The following LHPP variants were observed in gnomAD, a reference collection of about 807,000 sequenced individuals.
The protein encoded by LHPP is phospholysine phosphohistidine inorganic pyrophosphate phosphatase.
LHPP carries 24 observed loss-of-function variants against 30.3 expected under a neutral mutation model. The ratio of observed to expected loss-of-function variants is 0.79; its 90% confidence interval spans 0.57 to 1.11. The LOEUF (loss-of-function observed/expected upper bound fraction) is 1.11. Ranked by LOEUF, LHPP falls within the 50% of genes most tolerant of loss-of-function variation. The pLI is 0.00. For missense variants in LHPP, 356 were observed against 367.2 expected, an observed-to-expected ratio of 0.97 and a Z score of 0.25; for synonymous variants, 150 against 157.1, an observed-to-expected ratio of 0.95 and a Z score of 0.34.
At chr10:124,467,163 T>G (rs1217936278) in intron 1 of LHPP, among the ~76,000 whole-genome samples, 2 of 151,428 alleles carry the variant, frequency 1.3e-5, no homozygotes, top group Non-Finnish European at 2.9e-5. Context: ...TTCAAGGAGA[T>G]CTCTCTGGCT....
chr10:124,563,344 C>A (rs1948434089), intron 6 of LHPP, among the ~76,000 whole-genome samples: 1 of 139,460 alleles, frequency 7.2e-6, no homozygotes, highest in Admixed American at 7.4e-5. Flanking sequence ...AAATCCAGAT[C>A]CTGCAGAAAA....
intron 6 of LHPP, among the ~76,000 whole-genome samples, chr10:124,607,152 C>A (rs571625574): frequency 6.6e-6 from 1 of 152,314 alleles, no homozygotes; most frequent in Non-Finnish European, 1.5e-5. Flanking sequence ...GCTCTGTACC[C>A]ACTGCCGAGG....
intron 6 of LHPP, among the ~76,000 whole-genome samples, chr10:124,533,936 C>T (rs942667878): frequency 6.6e-6 from 1 of 151,802 alleles, no homozygotes; most frequent in African/African-American, 2.4e-5. Context: ...GGGCTCAGGG[C>T]TTTCCCATGA....
chr10:124,588,278 T>C (rs1948830569), intron 6 of LHPP, among the ~76,000 whole-genome samples: 1 of 147,132 alleles, frequency 6.8e-6, no homozygotes. Flanking sequence ...CAGCCACTTA[T>C]GCTTTTACTT....
chr10:124,489,794 T>C, intron 3 of LHPP: 1 of 201,780 alleles, frequency 5.0e-6, no homozygotes, highest in Non-Finnish European at 1.0e-5. Flanking sequence ...CTTATAAGTT[T>C]ATTCAATGCA....
intron 4 of LHPP, among the ~76,000 whole-genome samples, chr10:124,497,726 G>A (rs954570580): frequency 2.0e-5 from 3 of 152,224 alleles, no homozygotes; most frequent in African/African-American, 7.2e-5. Flanking sequence ...AATTGCAGGC[G>A]AGTGAGCAGA....
chr10:124,500,605 A>G lies in LHPP; in HGVS notation c.624+2477A>G, dbSNP rs114529235. Among the ~76,000 whole-genome samples, 1,262 of 152,036 alleles carry G rather than the reference A, an allele frequency of 8.3e-3. 31 individuals are homozygous for G. Among genetic ancestry groups the G allele is most frequent in the African/African-American group, 0.03 (1,221 of 41,278 alleles). On this transcript the variant is annotated intron_variant, in intron 5 of 6. Coordinates refer to ENST00000368842, the MANE Select transcript of LHPP (RefSeq NM_022126.4). ...ATCACGATTTTTGGATGTAAATACA[A>G]TACATTAAAACTCCTAACATGGCCA...
At chr10:124,484,115 G>C (rs774052364) in intron 1 of LHPP, 24 bp from the exon 2 acceptor site, 30 of 1,610,104 alleles carry the variant, frequency 1.9e-5, no homozygotes, top group Non-Finnish European at 2.4e-5. Flanking sequence ...CTGACTTCCC[G>C]GGCCTGTGTC....
At chr10:124,588,230 C>T (rs1370938091) in intron 6 of LHPP, among the ~76,000 whole-genome samples, 1 of 152,242 alleles carries the variant, frequency 6.6e-6, no homozygotes, top group East Asian at 1.9e-4. Flanking sequence ...CTCCAAGGTG[C>T]CCTGGGTCCA....
chr10:124,607,725 T>C (rs916128125), intron 6 of LHPP, among the ~76,000 whole-genome samples: 3 of 152,164 alleles, frequency 2.0e-5, no homozygotes, highest in Non-Finnish European at 4.4e-5. Flanking sequence ...GGGCGGTGTT[T>C]GCTGGAAGAA....
chr10:124,586,842 AT>A (rs1948810825), intron 6 of LHPP, among the ~76,000 whole-genome samples: 3 of 152,146 alleles, frequency 2.0e-5, no homozygotes, highest in Admixed American at 6.6e-5. Flanking sequence ...ATTAGGTTTT[AT>A]TGTCATTGTC....
chr10:124,582,923 G>A (rs1948760639), intron 6 of LHPP, among the ~76,000 whole-genome samples: 1 of 152,034 alleles, frequency 6.6e-6, no homozygotes, highest in Non-Finnish European at 1.5e-5. Context: ...TATCTTCATT[G>A]TCTTCACATT....
intron 6 of LHPP, among the ~76,000 whole-genome samples, chr10:124,542,622 G>A (rs1482803594): frequency 6.6e-6 from 1 of 152,138 alleles, no homozygotes; most frequent in East Asian, 1.9e-4. Flanking sequence ...CCTGGGGGAG[G>A]GGGCAGTTAC....
In LHPP at chr10:124,592,289, C is replaced by A. The variant is rs1000962839; in HGVS notation, c.717-20975C>A. ...CACCCGGGCCTGATGGCTCCTCAAC[C>A]CTCTCAGCACCCCAAAGAGGGAAGT... On this transcript the variant is annotated intron_variant, in intron 6 of 6. Coordinates refer to ENST00000368842, the MANE Select transcript of LHPP (RefSeq NM_022126.4). This position sits in a 1 kb window ranked among gnomAD's most constrained non-coding sequence, Gnocchi z 6.2. 1.3e-5 allele frequency among the ~76,000 whole-genome samples: 2 copies of A among 152,072 alleles called. No individual in the cohort carries two copies. Among genetic ancestry groups the A allele is most frequent in the Admixed American group, 6.6e-5 (1 of 15,266 alleles).
intron 6 of LHPP, chr10:124,526,072 C>A: frequency 1.7e-6 from 1 of 597,746 alleles, no homozygotes; most frequent in Non-Finnish European, 2.1e-6. Context: ...CGTGCAGGTC[C>A]CTCGAGGGTC....
intron 6 of LHPP, among the ~76,000 whole-genome samples, chr10:124,585,279 A>G (rs73373297): frequency 0.048 from 7,247 of 152,246 alleles, 527 homozygotes; most frequent in African/African-American, 0.16. Flanking sequence ...CATAAATGGG[A>G]CTGCATTCCT....
intron 6 of LHPP, among the ~76,000 whole-genome samples, chr10:124,531,231 AC>A (rs1027609979): frequency 9.2e-5 from 14 of 151,428 alleles, no homozygotes; most frequent in Admixed American, 3.9e-4. Context: ...CCAACCCCAC[AC>A]CCCGTCTCAA....
intron 6 of LHPP, among the ~76,000 whole-genome samples, chr10:124,588,066 G>C (rs1341015237): frequency 6.6e-6 from 1 of 152,242 alleles, no homozygotes; most frequent in African/African-American, 2.4e-5. Context: ...CTCCAGGCAG[G>C]CCACATTCAC....
intron 6 of LHPP, among the ~76,000 whole-genome samples, chr10:124,548,162 C>G (rs1304330749): frequency 6.7e-6 from 1 of 150,044 alleles, no homozygotes; most frequent in Non-Finnish European, 1.5e-5. Flanking sequence ...TCCAGCCAGC[C>G]TTGGAGCTGG....
Sources: allele counts gnomAD v4.1 joint callset (sites outside exome capture counted in the v4.1 genomes callset), GRCh38; gene constraint gnomAD v4.1.1; non-coding constraint Gnocchi (gnomAD v3.1); transcripts MANE v1.5; gene names NCBI Gene and HGNC (gene_info 2026-07-23, HGNC 2026-07-21).